CALCOCO2: variants seen among roughly 807,000 people sequenced by gnomAD.
CALCOCO2 encodes the protein calcium binding and coiled-coil domain 2.
Under a neutral mutation model 62.5 loss-of-function variants are expected in CALCOCO2, and 42 were observed. The observed-to-expected ratio is 0.67, with a 90% CI of 0.53 to 0.87. CALCOCO2 has a LOEUF of 0.87. CALCOCO2 is among the 40% of genes least tolerant of loss of function. The pLI is 0.00. For missense variants in CALCOCO2, 456 were observed against 515.0 expected, an observed-to-expected ratio of 0.89 and a Z score of 1.11; for synonymous variants, 167 against 173.0, an observed-to-expected ratio of 0.97 and a Z score of 0.27.
intron 9 of CALCOCO2, among the ~76,000 whole-genome samples, chr17:48,854,152 C>T (rs377752817): frequency 4.0e-5 from 6 of 150,078 alleles, no homozygotes; most frequent in South Asian, 4.3e-4. Context: ...CCCGTCTCTA[C>T]GAAAAATACA....
intron 2 of CALCOCO2, among the ~76,000 whole-genome samples, chr17:48,844,488 CTT>C (rs1004685108): frequency 3.3e-5 from 5 of 151,464 alleles, no homozygotes; most frequent in East Asian, 2.0e-4. Context: ...GAGTTTTGCT[CTT>C]GTCACCCAGG....
chr17:48,831,273 G>T (rs1426995894), intron 1 of CALCOCO2, 195 bp downstream of exon 1: 1 of 152,268 alleles, frequency 6.6e-6, no homozygotes, highest in Non-Finnish European at 1.5e-5. Flanking sequence ...GGGTTGCGGG[G>T]CAGTTTTGTC....
intron 10 of CALCOCO2, among the ~76,000 whole-genome samples, chr17:48,858,313 G>A (rs1432904992): frequency 6.6e-6 from 1 of 151,160 alleles, no homozygotes; most frequent in African/African-American, 2.4e-5. Flanking sequence ...TCTCTTTTTT[G>A]TTTTGTTTTG....
At chr17:48,841,669 G>C in intron 1 of CALCOCO2, 29 bp from the exon 2 acceptor site, 4 of 1,486,912 alleles carry the variant, frequency 2.7e-6, no homozygotes, top group Non-Finnish European at 3.7e-6. Flanking sequence ...TGCTTTCTGA[G>C]CCTTACTCTG....
At chr17:48,853,039 G>A (rs372125448) in intron 9 of CALCOCO2, 27 bp downstream of exon 9, 38 of 1,483,790 alleles carry the variant, frequency 2.6e-5, no homozygotes, top group Non-Finnish European at 3.3e-5. Context: ...ATGGTTATGT[G>A]GGAGGGAGCC....
chr17:48,831,178 T>C (rs2039805759), intron 1 of CALCOCO2, 100 bp downstream of exon 1: 1 of 152,416 alleles, frequency 6.6e-6, no homozygotes, highest in Admixed American at 6.5e-5. Flanking sequence ...GTGTGGCAAG[T>C]TTCGGTTCTC....
intron 4 of CALCOCO2, among the ~76,000 whole-genome samples, 166 bp from the exon 5 acceptor site, chr17:48,849,086 C>T (rs1038716040): frequency 4.6e-5 from 7 of 152,212 alleles, no homozygotes; most frequent in African/African-American, 7.2e-5. Context: ...ATTATAAAGA[C>T]ATACCTCTGT....
At chr17:48,842,159 T>C (rs1330834020) in intron 2 of CALCOCO2, 12 of 47,876 alleles carry the variant, frequency 2.5e-4, no homozygotes, top group African/African-American at 7.0e-4. Flanking sequence ...CTTTTCTTTT[T>C]TTTTTTTTTT....
intron 2 of CALCOCO2, among the ~76,000 whole-genome samples, chr17:48,844,653 G>A (rs1280978139): frequency 6.6e-6 from 1 of 152,036 alleles, no homozygotes; most frequent in Non-Finnish European, 1.5e-5. Context: ...GAGTAGCTGG[G>A]ATGACAGGGA....
rs1435050783 is a variant in CALCOCO2 at position 48,852,492 on chromosome 17, T to G, written c.703-14T>G. The G allele has an allele frequency of 3.7e-6, 6 of 1,609,060 alleles. No homozygotes were observed. In the Admixed American group the frequency reaches 5.1e-5, roughly 14 times the overall value. On this transcript the variant is annotated splice_polypyrimidine_tract_variant and intron_variant, in intron 7 of 12. Coordinates refer to ENST00000258947, the MANE Select transcript of CALCOCO2 (RefSeq NM_005831.5). ...TCTTTTATATCTTGGTTATGTTCACTATTTTTGTTTTAGGCCCAGCTGTCA... is the reference window on the plus strand; with the variant it reads ...TCTTTTATATCTTGGTTATGTTCACGATTTTTGTTTTAGGCCCAGCTGTCA...
intron 1 of CALCOCO2, among the ~76,000 whole-genome samples, chr17:48,832,037 C>T (rs927772060): frequency 6.6e-5 from 10 of 152,156 alleles, no homozygotes; most frequent in Non-Finnish European, 1.5e-4. Context: ...TCCTGAGTTA[C>T]CTGGCACTAA....
At chr17:48,839,101 G>A (rs935001040) in intron 1 of CALCOCO2, among the ~76,000 whole-genome samples, 3 of 151,308 alleles carry the variant, frequency 2.0e-5, no homozygotes, top group African/African-American at 7.3e-5. Flanking sequence ...TCGGCCTCCC[G>A]GGTTCCTGCC....
At chr17:48,858,012 TA>T (rs1460172229) in intron 10 of CALCOCO2, among the ~76,000 whole-genome samples, 17 of 16,010 alleles carry the variant, frequency 1.1e-3, no homozygotes, top group Non-Finnish European at 3.3e-3. Flanking sequence ...TAGAATAGAA[TA>T]GAATAGAATA....
intron 12 of CALCOCO2, 40 bp from the exon 13 acceptor site, chr17:48,862,798 T>C (rs2040346265): frequency 3.2e-6 from 5 of 1,577,590 alleles, no homozygotes; most frequent in South Asian, 1.1e-5. Context: ...GTGCCACATA[T>C]AGCTTACATT....
chr17:48,834,712 G>C (rs189802639), intron 1 of CALCOCO2, among the ~76,000 whole-genome samples: 270 of 152,184 alleles, frequency 1.8e-3, no homozygotes, highest in Admixed American at 4.5e-3. Flanking sequence ...TTCTATAGTG[G>C]GAAAGGTGGT....
Position 48,864,780 on chromosome 17 carries a change from T to G in CALCOCO2, c.*1775T>G, listed in dbSNP as rs1334438681. On this transcript the variant is annotated 3_prime_UTR_variant, in exon 13 of 13. Coordinates refer to ENST00000258947, the MANE Select transcript of CALCOCO2 (RefSeq NM_005831.5). Reference sequence around the variant, plus strand: ...ACTTACACTACTTCTCCAAGCCTTTTGCTGTCTTAAGAATAAGACCTGAGA... The same window carrying G: ...ACTTACACTACTTCTCCAAGCCTTTGGCTGTCTTAAGAATAAGACCTGAGA... The G allele has an allele frequency of 6.6e-6, 1 of 152,250 alleles. No individual in the cohort carries two copies. Among genetic ancestry groups the G allele is most frequent in the Non-Finnish European group, 1.5e-5 (1 of 68,072 alleles). 9.4% of individuals were successfully genotyped at this position (152,250 alleles called of 1,614,324 possible). A position where few individuals can be genotyped will look rare whatever the true frequency, so the allele number is the denominator to read the frequency against.
chr17:48,860,542 T>TTAA, intron 11 of CALCOCO2, 93 bp downstream of exon 11: 1 of 1,135,722 alleles, frequency 8.8e-7, no homozygotes, highest in Non-Finnish European at 1.3e-6. Context: ...TTAAGACCAG[T>TTAA]CTCATTGTTA....
chr17:48,852,723 C>G lies in CALCOCO2; in HGVS notation c.825+95C>G, dbSNP rs950118078. 7.5e-6 allele frequency: 9 copies of G among 1,202,822 alleles called. No individual in the cohort carries two copies. The African/African-American group carries it at 1.1e-4, about 14-fold the overall frequency. 74.5% of individuals were successfully genotyped at this position (1,202,822 alleles called of 1,614,324 possible). ...AACATTTTAATGTTCTTTAATATAC[C>G]TGGATGTCACTGGCTTTAGGAAAGG... On this transcript the variant is annotated intron_variant, in intron 8 of 12. Transcript: ENST00000258947.
At chr17:48,856,229 G>T in intron 10 of CALCOCO2, 42 bp downstream of exon 10, 2 of 1,158,030 alleles carry the variant, frequency 1.7e-6, no homozygotes, top group South Asian at 1.3e-5. Flanking sequence ...AGGTTTTAAG[G>T]GGAAGGATCA....
Sources: gnomAD v4.1 joint callset for allele counts (sites outside exome capture counted in the v4.1 genomes callset) on GRCh38, gnomAD v4.1.1 for gene constraint, MANE v1.5 for transcripts, NCBI Gene and HGNC (gene_info 2026-07-23, HGNC 2026-07-21) for gene names.